The following EXOC4 variants were observed in gnomAD, a reference collection of about 807,000 sequenced individuals.
EXOC4 encodes SEC8-like 1.
Under a neutral mutation model 107.2 loss-of-function variants are expected in EXOC4, and 71 were observed. The observed-to-expected ratio is 0.66, with a 90% CI of 0.55 to 0.81. EXOC4 has a LOEUF of 0.81. EXOC4 is among the 30% of genes least tolerant of loss of function. The pLI is 0.00. For synonymous variants in EXOC4, 456 were observed against 441.2 expected, an observed-to-expected ratio of 1.03 and a Z score of -0.42; for missense variants, 1,108 against 1,189.6, an observed-to-expected ratio of 0.93 and a Z score of 1.01.
At chr7:133,463,399 G>A (rs775582908) in intron 7 of EXOC4, among the ~76,000 whole-genome samples, 2 of 152,132 alleles carry the variant, frequency 1.3e-5, no homozygotes, top group Non-Finnish European at 2.9e-5. Context: ...CTGCTGCATT[G>A]TTTTGACCTG....
intron 12 of EXOC4, among the ~76,000 whole-genome samples, chr7:133,913,266 C>T (rs567575270): frequency 6.6e-6 from 1 of 152,242 alleles, no homozygotes; most frequent in Non-Finnish European, 1.5e-5. Context: ...GATGTTCATG[C>T]CTTGCTAAGT....
At chr7:134,028,327 A>G (rs566994009) in intron 17 of EXOC4, among the ~76,000 whole-genome samples, 4 of 152,306 alleles carry the variant, frequency 2.6e-5, no homozygotes, top group African/African-American at 9.6e-5. Flanking sequence ...TGATATTGAA[A>G]TTGTCATGTT....
Position 133,426,652 on chromosome 7 carries a change from G to A in EXOC4, c.1183-48676G>A, listed in dbSNP as rs189575813. ...TGTCTTGCTATCTTTGCTTTGCCAA[G>A]GGCAATTTTAAAGACAGTATTTGTA... is the stretch of plus-strand genomic sequence containing the variant. On this transcript the variant is annotated intron_variant, in intron 7 of 17. Coordinates refer to ENST00000253861, the MANE Select transcript of EXOC4 (RefSeq NM_021807.4). Among the ~76,000 whole-genome samples, 20 of 152,270 alleles carry A rather than the reference G, an allele frequency of 1.3e-4. No homozygotes were observed. The East Asian group carries it at 3.3e-3, about 25-fold the overall frequency.
At chr7:133,842,016 G>T (rs946586191) in intron 11 of EXOC4, among the ~76,000 whole-genome samples, 22 of 152,136 alleles carry the variant, frequency 1.4e-4, no homozygotes, top group African/African-American at 5.3e-4. Flanking sequence ...GTATTCCACG[G>T]TGTATATGTA....
At chr7:134,074,094 T>G in the EXOC4 span, among the ~76,000 whole-genome samples, 3 of 152,220 alleles carry the variant, frequency 2.0e-5, no homozygotes, top group African/African-American at 7.2e-5. Flanking sequence ...CTGGATGTCG[T>G]GGAGCTACCG....
chr7:133,297,851 C>T (rs990851957), intron 3 of EXOC4, among the ~76,000 whole-genome samples: 14 of 152,192 alleles, frequency 9.2e-5, no homozygotes, highest in Admixed American at 2.0e-4. Context: ...ACTGTGTTTG[C>T]ACACTTGAGT....
At chr7:133,421,472 A>C (rs1319010813) in intron 7 of EXOC4, among the ~76,000 whole-genome samples, 2 of 152,222 alleles carry the variant, frequency 1.3e-5, no homozygotes, top group Non-Finnish European at 2.9e-5. Flanking sequence ...GCTGACTTCT[A>C]CTGTACGAGT....
intron 10 of EXOC4, among the ~76,000 whole-genome samples, chr7:133,651,204 T>C (rs1803142858): frequency 1.3e-5 from 2 of 152,110 alleles, no homozygotes; most frequent in Non-Finnish European, 2.9e-5. Flanking sequence ...TGACAGCATG[T>C]GTAGCGCCTT....
intron 5 of EXOC4, among the ~76,000 whole-genome samples, chr7:133,322,859 T>G (rs945569446): frequency 6.6e-6 from 1 of 152,164 alleles, no homozygotes; most frequent in Non-Finnish European, 1.5e-5. Flanking sequence ...GAGCATGGAA[T>G]GTTTTTCCGT....
chr7:133,627,289 T>C (rs576886403), intron 9 of EXOC4, among the ~76,000 whole-genome samples: 6 of 152,300 alleles, frequency 3.9e-5, no homozygotes, highest in African/African-American at 1.4e-4. Flanking sequence ...GGCTGAGGCA[T>C]AGAGGTGCGC....
At chr7:133,772,967 T>C (rs1487037370) in intron 10 of EXOC4, among the ~76,000 whole-genome samples, 1 of 152,048 alleles carries the variant, frequency 6.6e-6, no homozygotes, top group Non-Finnish European at 1.5e-5. Context: ...ATGTACCTCA[T>C]AGAATTACAG....
At chr7:133,813,225 G>T (rs1372934278) in intron 10 of EXOC4, among the ~76,000 whole-genome samples, 5 of 152,082 alleles carry the variant, frequency 3.3e-5, no homozygotes, top group African/African-American at 1.2e-4. Flanking sequence ...CATATTTTAG[G>T]TACACGAAAG....
At chr7:134,080,910 C>T in the EXOC4 span, among the ~76,000 whole-genome samples, 1 of 152,106 alleles carries the variant, frequency 6.6e-6, no homozygotes, top group Admixed American at 6.5e-5. Flanking sequence ...CGTGCTACTG[C>T]AGAGGGCAAC....
intron 10 of EXOC4, among the ~76,000 whole-genome samples, chr7:133,685,648 G>T (rs1423692812): frequency 6.6e-6 from 1 of 152,162 alleles, no homozygotes; most frequent in East Asian, 1.9e-4. Flanking sequence ...CATAGTAAAA[G>T]TAGTAAAAGA....
chr7:133,835,741 G>A (rs1797905546), intron 11 of EXOC4, among the ~76,000 whole-genome samples: 1 of 152,342 alleles, frequency 6.6e-6, no homozygotes, highest in East Asian at 1.9e-4. Flanking sequence ...TGTCTAAAGT[G>A]CATTAGTTAA....
chr7:134,018,608 T>C (rs1192161348), intron 17 of EXOC4, among the ~76,000 whole-genome samples: 1 of 152,178 alleles, frequency 6.6e-6, no homozygotes. Context: ...TATCACTTGC[T>C]CTTTTTATAA....
At chr7:133,711,420 A>G (rs1044861872) in intron 10 of EXOC4, among the ~76,000 whole-genome samples, 1 of 152,232 alleles carries the variant, frequency 6.6e-6, no homozygotes, top group African/African-American at 2.4e-5. Context: ...ACTGAAACCC[A>G]CTGATAAAAA....
intron 11 of EXOC4, among the ~76,000 whole-genome samples, chr7:133,832,582 AC>A (rs1207087761): frequency 1.3e-5 from 2 of 152,212 alleles, no homozygotes; most frequent in African/African-American, 4.8e-5. Flanking sequence ...CTGGCTTCTT[AC>A]ACTCAGCAAT....
chr7:133,930,662 T>C (rs1478552849), intron 13 of EXOC4: 1 of 152,064 alleles, frequency 6.6e-6, no homozygotes, highest in East Asian at 1.9e-4. Context: ...TAACTCCCCG[T>C]GTATCCCCTC....
Sources: allele counts gnomAD v4.1 joint callset (sites outside exome capture counted in the v4.1 genomes callset), GRCh38; gene constraint gnomAD v4.1.1; transcripts MANE v1.5; gene names NCBI Gene and HGNC (gene_info 2026-07-23, HGNC 2026-07-21).